SSUH2: variants seen among roughly 807,000 people sequenced by gnomAD.
The protein encoded by SSUH2 is protein SSUH2 homolog.
SSUH2 carries 47 observed loss-of-function variants against 55.3 expected under a neutral mutation model. The observed-to-expected ratio is 0.85, with a 90% CI of 0.67 to 1.08. SSUH2 has a LOEUF of 1.08. SSUH2 is among the 50% of genes least tolerant of loss of function. SSUH2 has a pLI of 0.00. For synonymous variants in SSUH2, 212 were observed against 191.5 expected (o/e 1.11, Z -0.89); for missense variants, 535 against 490.7 (o/e 1.09, Z -0.85).
chr3:8,668,228 C>A (rs1704174320), intron 5 of SSUH2, among the ~76,000 whole-genome samples: 1 of 152,166 alleles, frequency 6.6e-6, no homozygotes, highest in African/African-American at 2.4e-5. Context: ...TTCCCTGTAG[C>A]AAGAAATGAA....
At chr3:8,673,030 T>C (rs905692952) in intron 3 of SSUH2, among the ~76,000 whole-genome samples, 3 of 152,120 alleles carry the variant, frequency 2.0e-5, no homozygotes, top group African/African-American at 7.2e-5. Flanking sequence ...CTTCCTCATT[T>C]AATATAAACA....
chr3:8,680,966 C>T (rs1341803043), intron 1 of SSUH2, among the ~76,000 whole-genome samples: 1 of 151,558 alleles, frequency 6.6e-6, no homozygotes, highest in African/African-American at 2.4e-5. Context: ...TCATCCTCTC[C>T]CCCTCTTCCC....
At chr3:8,635,617 C>T in intron 2 of SSUH2, 142 bp downstream of exon 2, 1 of 843,756 alleles carries the variant, frequency 1.2e-6, no homozygotes, top group South Asian at 1.9e-5. Context: ...TTCCTCTTTC[C>T]ACCTGCCCAA....
rs1369078693 is a variant in SSUH2, at chr3:8,633,752, T to C, written c.253A>G (p.Ser85Gly). The C allele has an allele frequency of 6.2e-7, 1 of 1,609,794 alleles. No individual in the cohort carries two copies. Among genetic ancestry groups the C allele is most frequent in the East Asian group, 2.2e-5 (1 of 44,786 alleles). The change falls in exon 4 of 12, where the codon AGC becomes GGC. Residue 85 changes from serine to glycine, a missense_variant. Ser to Gly is a moderately conservative substitution (Grantham distance 56). Coordinates refer to ENST00000544814, the MANE Select transcript of SSUH2 (RefSeq NM_001256748.3). ...TAGCAGCACTTAGAGTCCACAAAGC[T>C]GAGGAGGGCTTCCCGGGCCACCTCC... ...TEEVAREALLSFVDSKCCYSS... is the reference protein window; with the variant it reads ...TEEVAREALLGFVDSKCCYSS...
At chr3:8,631,781 G>T (rs1406683559) in intron 5 of SSUH2, among the ~76,000 whole-genome samples, 1 of 151,998 alleles carries the variant, frequency 6.6e-6, no homozygotes, top group African/African-American at 2.4e-5. Flanking sequence ...GCCCGGCCCC[G>T]TGTGGCAGCA....
upstream of SSUH2, among the ~76,000 whole-genome samples, chr3:8,647,373 T>C (rs1004332584): frequency 2.0e-5 from 3 of 152,192 alleles, no homozygotes; most frequent in Non-Finnish European, 4.4e-5. Flanking sequence ...CTGAGCTCTT[T>C]GGAAGAATAT....
At chr3:8,670,712 A>T in intron 5 of SSUH2, among the ~76,000 whole-genome samples, 1 of 152,112 alleles carries the variant, frequency 6.6e-6, no homozygotes, top group East Asian at 1.9e-4. Context: ...TCTCTTTAGG[A>T]TATCACAAAC....
At chr3:8,668,684 G>A (rs1248305426) in intron 5 of SSUH2, among the ~76,000 whole-genome samples, 1 of 152,046 alleles carries the variant, frequency 6.6e-6, no homozygotes, top group African/African-American at 2.4e-5. Flanking sequence ...GCCTTTCACT[G>A]AAAAATCAGA....
chr3:8,680,653 T>G (rs537084104), intron 1 of SSUH2, among the ~76,000 whole-genome samples: 1 of 151,980 alleles, frequency 6.6e-6, no homozygotes, highest in African/African-American at 2.4e-5. Flanking sequence ...GGATCGTGGG[T>G]ACAACATCCC....
intron 3 of SSUH2, chr3:8,672,056 C>G (rs978602295): frequency 6.6e-6 from 1 of 152,138 alleles, no homozygotes. Context: ...AGAACAATAT[C>G]ACGGGAGTGT....
At chr3:8,645,501 A>C (rs1229176518), upstream of SSUH2, among the ~76,000 whole-genome samples, 1 of 152,188 alleles carries the variant, frequency 6.6e-6, no homozygotes, top group Non-Finnish European at 1.5e-5. Flanking sequence ...TTGGAAGATC[A>C]TCCTCCTCTG....
At position 8,659,714 on chromosome 3, in the gene SSUH2, C is replaced by T. The variant is rs190303286; in HGVS notation, c.-395-701G>A. On this transcript the variant is annotated intron_variant, in intron 6 of 18. Transcript: ENST00000317371. ...ATTCATCCATCTACCATGCATCATCCGTCTGTCCATCCATCCATATATGTA... is the reference window on the plus strand; with the variant it reads ...ATTCATCCATCTACCATGCATCATCTGTCTGTCCATCCATCCATATATGTA... 26 of 453,060 alleles carry T rather than the reference C, an allele frequency of 5.7e-5. No homozygotes were observed. In the East Asian group the frequency reaches 1.8e-3, roughly 32 times the overall value. 28.1% of individuals were successfully genotyped at this position (453,060 alleles called of 1,614,324 possible).
chr3:8,624,846 G>T (rs941250147), intron 10 of SSUH2, among the ~76,000 whole-genome samples: 1 of 152,088 alleles, frequency 6.6e-6, no homozygotes, highest in South Asian at 2.1e-4. Flanking sequence ...TGAGCTCCTA[G>T]CTCTGCCCTG....
At chr3:8,625,999 C>G (rs1430580830) in intron 9 of SSUH2, among the ~76,000 whole-genome samples, 1 of 152,190 alleles carries the variant, frequency 6.6e-6, no homozygotes, top group Non-Finnish European at 1.5e-5. Flanking sequence ...GGCTGCTGCC[C>G]TAGAAAGTGG....
Position 8,626,231 on chromosome 3 carries a change from C to T in SSUH2, c.765G>A (p.Met255Ile), listed in dbSNP as rs368322528. 2.5e-6 allele frequency: 4 copies of T among 1,613,640 alleles called. No homozygotes were observed. In the African/African-American group the frequency reaches 4.0e-5, roughly 16 times the overall value. The change falls in exon 9 of 12, where the codon ATG becomes ATA. Residue 255 changes from methionine (M) to isoleucine (I), a missense_variant and splice_region_variant. By Grantham distance (10) the Met-to-Ile change is conservative. Coordinates refer to ENST00000544814, the MANE Select transcript of SSUH2 (RefSeq NM_001256748.3). ...AGCATTGAGACACTGCCACATACCA[C>T]ATGATGACAAGCTGGATGAAGTGCA... ...KLLHFIQLVI[M>I]WKNSLFEFVS...
chr3:8,654,597 C>A (rs561129045), intron 7 of SSUH2, among the ~76,000 whole-genome samples: 1 of 152,130 alleles, frequency 6.6e-6, no homozygotes, highest in Non-Finnish European at 1.5e-5. Context: ...GGAATAGAAC[C>A]GTAGCACCTC....
chr3:8,660,481 AAC>A (rs1428142394), intron 6 of SSUH2, among the ~76,000 whole-genome samples: 1 of 152,204 alleles, frequency 6.6e-6, no homozygotes, highest in Non-Finnish European at 1.5e-5. Flanking sequence ...TCACTTCAAG[AAC>A]AGTTATAAGA....
chr3:8,634,011 A>G, intron 3 of SSUH2: 3 of 1,518,646 alleles, frequency 2.0e-6, no homozygotes, highest in Non-Finnish European at 9.0e-7. Context: ...GAACAGCCAA[A>G]AACACTTTAG....
chr3:8,644,202 C>T (rs546543646), intron 1 of SSUH2, among the ~76,000 whole-genome samples: 33 of 152,212 alleles, frequency 2.2e-4, no homozygotes, highest in African/African-American at 6.7e-4. Flanking sequence ...ACGAACTGGC[C>T]GTTTGCTAGA....
Sources: gnomAD v4.1 joint callset for allele counts (sites outside exome capture counted in the v4.1 genomes callset) on GRCh38, gnomAD v4.1.1 for gene constraint, MANE v1.5 for transcripts, NCBI Gene and HGNC (gene_info 2026-07-23, HGNC 2026-07-21) for gene names.